Variants in DMTF1 observed in about 807,000 individuals in gnomAD.
DMTF1 encodes the protein cyclin-D-binding Myb-like transcription factor 1.
Under a neutral mutation model 91.1 loss-of-function variants are expected in DMTF1, and 39 were observed. The observed-to-expected ratio is 0.43, with a 90% CI of 0.33 to 0.56. DMTF1 has a LOEUF of 0.56. Among genes scored for constraint, DMTF1 ranks in the 20% least tolerant of loss-of-function variants. The pLI is 0.05. For synonymous variants in DMTF1, 338 were observed against 309.5 expected (o/e 1.09, Z -0.97); for missense variants, 750 against 914.5 (o/e 0.82, Z 2.32).
At chr7:87,184,685 G>A in intron 11 of DMTF1, 60 bp downstream of exon 11, 1 of 1,461,362 alleles carries the variant, frequency 6.8e-7, no homozygotes, top group Admixed American at 1.8e-5. Flanking sequence ...TGTCTTGATA[G>A]ACTTTCCTCT....
At chr7:87,160,494 C>T (rs1021122390) in intron 1 of DMTF1, among the ~76,000 whole-genome samples, 1 of 151,684 alleles carries the variant, frequency 6.6e-6, no homozygotes, top group Non-Finnish European at 1.5e-5. Context: ...AGGCGGGTTT[C>T]GAACTCCTGA....
chr7:87,188,726 G>A (rs139689688), intron 13 of DMTF1, among the ~76,000 whole-genome samples: 1 of 152,216 alleles, frequency 6.6e-6, no homozygotes, highest in African/African-American at 2.4e-5. Context: ...GTAAAGAAAT[G>A]AGTTTTGGCA....
At chr7:87,193,417 C>A in intron 15 of DMTF1, 64 bp downstream of exon 15, 3 of 1,536,868 alleles carry the variant, frequency 2.0e-6, no homozygotes, top group Non-Finnish European at 2.7e-6. Flanking sequence ...TTGATAAGGA[C>A]CAAAATAGAA....
intron 1 of DMTF1, among the ~76,000 whole-genome samples, chr7:87,158,898 A>G (rs1046745304): frequency 1.3e-5 from 2 of 152,150 alleles, no homozygotes; most frequent in Admixed American, 6.5e-5. Flanking sequence ...CTAAGTTTCT[A>G]AAAGTTGTAT....
intron 1 of DMTF1, among the ~76,000 whole-genome samples, chr7:87,157,369 T>G (rs1791031805): frequency 6.6e-6 from 1 of 152,164 alleles, no homozygotes; most frequent in Non-Finnish European, 1.5e-5. Flanking sequence ...CAAATGTTGG[T>G]TCCTGTGCTG....
chr7:87,167,632 C>T (rs1185335396), intron 4 of DMTF1, among the ~76,000 whole-genome samples: 1 of 152,146 alleles, frequency 6.6e-6, no homozygotes, highest in Non-Finnish European at 1.5e-5. Context: ...GAGTTAATTG[C>T]TTGCTAAATT....
rs140882593 is a variant in DMTF1 at position 87,194,048 on chromosome 7, C to A, written c.1974C>A (p.Thr658=). Residue 658 remains threonine, a synonymous_variant, in exon 16 of 18, where the codon ACC becomes ACA. Coordinates refer to ENST00000331242, the MANE Select transcript of DMTF1 (RefSeq NM_001142327.2). ...MVRTEEEISD[T]DLKQEESPSD... Reference sequence around the variant, plus strand: ...GAACAGAAGAAGAAATCTCTGACACCGACCTTAAACAAGAGGAATCACCCT... The same window carrying A: ...GAACAGAAGAAGAAATCTCTGACACAGACCTTAAACAAGAGGAATCACCCT... The A allele has an allele frequency of 6.2e-7, 1 of 1,611,490 alleles. No homozygotes were observed. Among genetic ancestry groups the A allele is most frequent in the South Asian group, 1.1e-5 (1 of 90,630 alleles).
At chr7:87,157,698 T>C (rs1329714110) in intron 1 of DMTF1, among the ~76,000 whole-genome samples, 1 of 152,008 alleles carries the variant, frequency 6.6e-6, no homozygotes, top group Non-Finnish European at 1.5e-5. Context: ...GATCCAAGAG[T>C]TATTTCTTTA....
rs1407832436 is a variant in DMTF1 at position 87,196,239 on chromosome 7, ATTAAATTGTAG to A, written c.*1103_*1113del. On this transcript the variant is annotated 3_prime_UTR_variant, in exon 18 of 18. Transcript: ENST00000331242. Reference sequence around the variant, plus strand: ...TTTCACTGTGTTTTGTCAACGTGAAATTAAATTGTAGTTATAAGCAAAAGTTGGTTGCCTAG... The same window carrying A: ...TTTCACTGTGTTTTGTCAACGTGAAATTATAAGCAAAAGTTGGTTGCCTAG... The A allele has an allele frequency of 6.4e-6, 1 of 155,964 alleles. No individual in the cohort carries two copies. The highest frequency in any genetic ancestry group is 2.4e-5 in the African/African-American group (1 of 41,500). The allele number at this position is 155,964 out of a possible 1,614,324, so 9.7% of individuals were successfully genotyped here.
rs1347542565 is a variant in DMTF1, at chr7:87,195,744, G to GGTTTTTTGT, written c.*605_*613dup. ...GCATTAAAAGTTAAAATTCACTACA[G>GGTTTTTTGT]GTTTTTTGTTACTTTTAAAGGGAAT... On this transcript the variant is annotated 3_prime_UTR_variant, in exon 18 of 18. Coordinates refer to ENST00000331242, the MANE Select transcript of DMTF1 (RefSeq NM_001142327.2). 6.6e-6 allele frequency: 1 copy of GGTTTTTTGT among 152,416 alleles called. No individual in the cohort carries two copies. The highest frequency in any genetic ancestry group is 1.9e-4 in the East Asian group (1 of 5,190). The allele number at this position is 152,416 out of a possible 1,614,324, so 9.4% of individuals were successfully genotyped here. A position where few individuals can be genotyped will look rare whatever the true frequency, so the allele number is the denominator to read the frequency against.
chr7:87,157,660 C>A (rs918735850), intron 1 of DMTF1, among the ~76,000 whole-genome samples: 3 of 152,026 alleles, frequency 2.0e-5, no homozygotes, highest in African/African-American at 7.2e-5. Context: ...TAACTCATTT[C>A]TTTAATTGAA....
intron 2 of DMTF1, among the ~76,000 whole-genome samples, 186 bp from the exon 3 acceptor site, chr7:87,164,748 T>G (rs1011625522): frequency 1.3e-5 from 2 of 152,232 alleles, no homozygotes; most frequent in African/African-American, 4.8e-5. Flanking sequence ...TATCTAATTC[T>G]AAATAATGGG....
chr7:87,182,908 C>G (rs545254482), intron 10 of DMTF1, among the ~76,000 whole-genome samples: 1 of 152,332 alleles, frequency 6.6e-6, no homozygotes, highest in African/African-American at 2.4e-5. Context: ...CCTGATCATA[C>G]TGTTAAACCT....
Position 87,195,694 on chromosome 7 carries a change from T to A in DMTF1, c.*554T>A, listed in dbSNP as rs551084896. ...TTAACCCATTGCTGGCAGTGGGAGC[T>A]GATTTAGGCAGGGTAAACAGGAAAG... On this transcript the variant is annotated 3_prime_UTR_variant, in exon 18 of 18. Transcript: ENST00000331242. 6.6e-6 allele frequency: 1 copy of A among 152,594 alleles called. No individual in the cohort carries two copies. Among genetic ancestry groups the A allele is most frequent in the Non-Finnish European group, 1.5e-5 (1 of 68,064 alleles). The allele number at this position is 152,594 out of a possible 1,614,324, so 9.5% of individuals were successfully genotyped here. A position where few individuals can be genotyped will look rare whatever the true frequency, so the allele number is the denominator to read the frequency against.
chr7:87,185,720 C>A, intron 11 of DMTF1, 109 bp from the exon 12 acceptor site: 1 of 1,229,832 alleles, frequency 8.1e-7, no homozygotes, highest in Non-Finnish European at 1.2e-6. Context: ...ATCTCATTGG[C>A]ATAACCTGCC....
chr7:87,193,254 A>G lies in DMTF1; in HGVS notation c.1551A>G (p.Ser517=). 3.1e-6 allele frequency: 5 copies of G among 1,612,048 alleles called. No individual in the cohort carries two copies. Among genetic ancestry groups the G allele is most frequent in the Non-Finnish European group, 4.2e-6 (5 of 1,178,290 alleles). Residue 517 remains serine (S), a synonymous_variant, in exon 15 of 18, where the codon TCA becomes TCG. Coordinates refer to ENST00000331242, the MANE Select transcript of DMTF1 (RefSeq NM_001142327.2). ...TPGTYLLQTS[S]SQGLPLTLTA... The stretch of plus-strand genomic sequence containing the variant: ...GCACCTACCTACTTCAAACAAGCTC[A>G]AGCCAAGGCCTTCCCCTAACTCTGA...
At chr7:87,179,750 A>G in intron 8 of DMTF1, 48 bp downstream of exon 8, 1 of 1,510,770 alleles carries the variant, frequency 6.6e-7, no homozygotes. Context: ...TAGGGGAAAT[A>G]TTTGAGGAAC....
chr7:87,165,197 G>T, intron 3 of DMTF1, 147 bp downstream of exon 3: 1 of 474,814 alleles, frequency 2.1e-6, no homozygotes, highest in Non-Finnish European at 3.7e-6. Flanking sequence ...TAACATAAAT[G>T]TTAGTTTTTG....
intron 1 of DMTF1, chr7:87,155,340 C>G (rs1790393907): frequency 6.6e-6 from 1 of 151,998 alleles, no homozygotes; most frequent in Non-Finnish European, 1.5e-5. Context: ...TCTGCCTTTC[C>G]AAAATGGAGT....
Sources: allele counts gnomAD v4.1 joint callset (sites outside exome capture counted in the v4.1 genomes callset), GRCh38; gene constraint gnomAD v4.1.1; transcripts MANE v1.5; gene names NCBI Gene and HGNC (gene_info 2026-07-23, HGNC 2026-07-21).